SEC63: variants seen among roughly 807,000 people sequenced by gnomAD.
The protein encoded by SEC63 is SEC63 protein translocation regulator.
A neutral mutation model predicts 116.2 loss-of-function variants in SEC63; 56 were observed. The observed-to-expected ratio is 0.48, with a 90% CI of 0.39 to 0.60. SEC63 has a LOEUF of 0.60. SEC63 is among the 20% of genes least tolerant of loss of function. The pLI, the probability that SEC63 is intolerant of heterozygous loss-of-function variation, is 0.00. For synonymous variants in SEC63, 273 were observed against 294.6 expected (o/e 0.93, Z 0.75); for missense variants, 668 against 900.0 (o/e 0.74, Z 3.30).
At chr6:107,921,033 A>G (rs150975956) in intron 4 of SEC63, among the ~76,000 whole-genome samples, 17 of 152,344 alleles carry the variant, frequency 1.1e-4, no homozygotes, top group African/African-American at 4.1e-4. Flanking sequence ...CCACATCTCA[A>G]CAAGTACAGT....
Position 107,897,751 on chromosome 6 carries a change from A to G in SEC63, c.1358-20T>C. The G allele has an allele frequency of 6.6e-7, 1 of 1,508,416 alleles. No homozygotes were observed. The highest frequency in any genetic ancestry group is 9.2e-7 in the Non-Finnish European group (1 of 1,084,154). The allele number at this position is 1,508,416 out of a possible 1,614,324, so 93.4% of individuals were successfully genotyped here. A position where few individuals can be genotyped will look rare whatever the true frequency, so the allele number is the denominator to read the frequency against. The stretch of plus-strand genomic sequence containing the variant: ...CTAACACTGTTAAGATGGAAGAAAA[A>G]AAACAGCAAAAAATAAAAATCAAGT... On this transcript the variant is annotated intron_variant, in intron 13 of 20. Transcript: ENST00000369002.
intron 1 of SEC63, among the ~76,000 whole-genome samples, chr6:107,946,999 G>C (rs998516599): frequency 4.2e-4 from 64 of 152,134 alleles, no homozygotes; most frequent in African/African-American, 1.5e-3. Context: ...GCAAGACTCT[G>C]TCTCAAACCA....
chr6:107,955,820 C>A (rs1381025802), intron 1 of SEC63: 1 of 172,066 alleles, frequency 5.8e-6, no homozygotes, highest in Non-Finnish European at 1.2e-5. Context: ...CAGGTGGAGG[C>A]TGCAATGAGT....
intron 5 of SEC63, among the ~76,000 whole-genome samples, chr6:107,913,150 T>C (rs1191582006): frequency 1.3e-5 from 2 of 152,194 alleles, no homozygotes; most frequent in Non-Finnish European, 2.9e-5. Flanking sequence ...GAAATGATAG[T>C]GATTATTCTT....
intron 1 of SEC63, among the ~76,000 whole-genome samples, chr6:107,948,698 C>T (rs1770523606): frequency 6.6e-6 from 1 of 152,176 alleles, no homozygotes; most frequent in Non-Finnish European, 1.5e-5. Flanking sequence ...TCCCTGCCCT[C>T]CTGATGCCCC....
chr6:107,884,250 C>CAAAA (rs35806948), intron 16 of SEC63, among the ~76,000 whole-genome samples: 1 of 111,936 alleles, frequency 8.9e-6, no homozygotes, highest in Admixed American at 8.8e-5. Context: ...GACTCTGTCT[C>CAAAA]AAAAAAAAAA....
chr6:107,929,183 A>C (rs1787740969), intron 2 of SEC63, among the ~76,000 whole-genome samples: 1 of 152,168 alleles, frequency 6.6e-6, no homozygotes, highest in African/African-American at 2.4e-5. Context: ...GTCCCTCAAG[A>C]TATGACTTAT....
chr6:107,949,399 A>G (rs1241724491), intron 1 of SEC63, among the ~76,000 whole-genome samples: 1 of 152,204 alleles, frequency 6.6e-6, no homozygotes, highest in Non-Finnish European at 1.5e-5. Flanking sequence ...CAGCACTTTG[A>G]GAGTCCGAGA....
chr6:107,921,031 C>T (rs895950961), intron 4 of SEC63, among the ~76,000 whole-genome samples: 2 of 152,170 alleles, frequency 1.3e-5, no homozygotes, highest in Admixed American at 6.5e-5. Context: ...ATCCACATCT[C>T]AACAAGTACA....
At chr6:107,940,812 C>T (rs930429065) in intron 1 of SEC63, among the ~76,000 whole-genome samples, 5 of 148,570 alleles carry the variant, frequency 3.4e-5, no homozygotes, top group Non-Finnish European at 1.5e-5. Context: ...AAAAAAGACT[C>T]GCTGCAGTAT....
chr6:107,897,683 G>GT lies in SEC63; in HGVS notation c.1405dup (p.Thr469AsnfsTer5). 6.2e-7 allele frequency: 1 copy of GT among 1,610,360 alleles called. No individual in the cohort carries two copies. Among genetic ancestry groups the GT allele is most frequent in the Non-Finnish European group, 8.5e-7 (1 of 1,176,924 alleles). On this transcript the variant is annotated frameshift_variant, in exon 14 of 21. Transcript: ENST00000369002. LOFTEE classifies it high-confidence loss of function. ...TTGCCTTGTCAACTTAACCAACACT[G>GT]TAACTAAGGATCCTACTGTGATGTT...
At chr6:107,925,528 A>G (rs1787655656) in intron 2 of SEC63, among the ~76,000 whole-genome samples, 1 of 152,242 alleles carries the variant, frequency 6.6e-6, no homozygotes, top group African/African-American at 2.4e-5. Flanking sequence ...ATCGGTTAAA[A>G]TAAAGGTATA....
At chr6:107,912,556 G>A (rs912799769) in intron 6 of SEC63, among the ~76,000 whole-genome samples, 160 bp downstream of exon 6, 2 of 152,224 alleles carry the variant, frequency 1.3e-5, no homozygotes, top group Admixed American at 1.3e-4. Context: ...CTGCTCTCCT[G>A]CCTGGGCAAT....
In SEC63 at chr6:107,887,172, T is replaced by C. The variant is rs1326215402; in HGVS notation, c.1675-4026A>G. 4.6e-5 allele frequency among the ~76,000 whole-genome samples: 7 copies of C among 151,706 alleles called. No individual in the cohort carries two copies. In the South Asian group the frequency reaches 6.3e-4, roughly 14 times the overall value. ...GTGGGACTGTAAACTAGTTCAACCATTGTGGAAGTCAGTGTGGCAATTCCT... is the reference window on the plus strand; with the variant it reads ...GTGGGACTGTAAACTAGTTCAACCACTGTGGAAGTCAGTGTGGCAATTCCT... On this transcript the variant is annotated intron_variant, in intron 16 of 20. Coordinates refer to ENST00000369002, the MANE Select transcript of SEC63 (RefSeq NM_007214.5).
intron 17 of SEC63, 74 bp downstream of exon 17, chr6:107,882,908 GAACAAC>G (rs367670426): frequency 2.1e-6 from 2 of 931,910 alleles, no homozygotes; most frequent in Non-Finnish European, 3.4e-6. Flanking sequence ...GCAAACAAAT[GAACAAC>G]AACAACAAAA....
rs1279495952 is a variant in SEC63, at chr6:107,887,813, C to T, written c.1675-4667G>A. Among the ~76,000 whole-genome samples the T allele has an allele frequency of 3.9e-5, 6 of 152,144 alleles. No individual in the cohort carries two copies. The South Asian group carries it at 1.0e-3, about 26-fold the overall frequency. On this transcript the variant is annotated intron_variant, in intron 16 of 20. Coordinates refer to ENST00000369002, the MANE Select transcript of SEC63 (RefSeq NM_007214.5). ...TCCAGTTCCTGCTTTCTGCATATGG[C>T]TAGCCAGTTTTCCCAATACCATTTA...
rs1669648264 is a variant in SEC63, at chr6:107,871,499, T to C, written c.*205A>G. On this transcript the variant is annotated 3_prime_UTR_variant, in exon 21 of 21. Coordinates refer to ENST00000369002, the MANE Select transcript of SEC63 (RefSeq NM_007214.5). Reference sequence around the variant, plus strand: ...ATGAAATAAATGTACCATCCCCTACTTGAAAGGTTTCAATAAGCCTTAACA... The same window carrying C: ...ATGAAATAAATGTACCATCCCCTACCTGAAAGGTTTCAATAAGCCTTAACA... 5.0e-6 allele frequency: 3 copies of C among 605,166 alleles called. No individual in the cohort carries two copies. The highest frequency in any genetic ancestry group is 5.8e-5 in the East Asian group (2 of 34,604). 37.5% of individuals were successfully genotyped at this position (605,166 alleles called of 1,614,324 possible). A position where few individuals can be genotyped will look rare whatever the true frequency, so the allele number is the denominator to read the frequency against.
At chr6:107,946,522 A>C (rs942828990) in intron 1 of SEC63, among the ~76,000 whole-genome samples, 1 of 152,146 alleles carries the variant, frequency 6.6e-6, no homozygotes, top group Non-Finnish European at 1.5e-5. Flanking sequence ...TGCAGTTATT[A>C]ATCTAATGTT....
intron 1 of SEC63, among the ~76,000 whole-genome samples, chr6:107,934,740 C>T (rs1430134901): frequency 6.5e-5 from 1 of 15,448 alleles, no homozygotes; most frequent in African/African-American, 4.1e-4. Flanking sequence ...GCCCCCCGCC[C>T]GGCCAGCCAC....
Sources: allele counts gnomAD v4.1 joint callset (sites outside exome capture counted in the v4.1 genomes callset), GRCh38; gene constraint gnomAD v4.1.1; transcripts MANE v1.5; gene names NCBI Gene and HGNC (gene_info 2026-07-23, HGNC 2026-07-21).